DLGAP2: variants seen among roughly 807,000 people sequenced by gnomAD.
The protein encoded by DLGAP2 is disks large-associated protein 2.
DLGAP2 carries 26 observed loss-of-function variants against 100.3 expected under a neutral mutation model. The observed-to-expected ratio is 0.26, with a 90% CI of 0.19 to 0.36. The LOEUF (loss-of-function observed/expected upper bound fraction) is 0.36. Ranked by LOEUF, DLGAP2 falls within the 10% of genes least tolerant of loss-of-function variation. The pLI is 1.00. For synonymous variants in DLGAP2, 886 were observed against 630.1 expected, an observed-to-expected ratio of 1.41 and a Z score of -6.08; for missense variants, 1,858 against 1,453.2, an observed-to-expected ratio of 1.28 and a Z score of -4.53.
intron 2 of DLGAP2, among the ~76,000 whole-genome samples, chr8:1,034,074 C>A (rs56107639): frequency 1.4e-3 from 70 of 48,500 alleles, no homozygotes; most frequent in Non-Finnish European, 2.4e-3. Context: ...GGGTTCACAG[C>A]CTCATCCCGA....
chr8:1,285,595 T>G (rs561139606), intron 3 of DLGAP2, among the ~76,000 whole-genome samples: 28 of 152,312 alleles, frequency 1.8e-4, no homozygotes, highest in Admixed American at 5.9e-4. Flanking sequence ...ATTCTGCTGA[T>G]TCATACAATA....
At chr8:1,665,625 A>G (rs1452380318) in intron 8 of DLGAP2, among the ~76,000 whole-genome samples, 1 of 152,194 alleles carries the variant, frequency 6.6e-6, no homozygotes, top group Non-Finnish European at 1.5e-5. Flanking sequence ...CTGGGACTCA[A>G]AACTTCTTCG....
intron 3 of DLGAP2, among the ~76,000 whole-genome samples, chr8:1,361,662 C>G (rs538630635): frequency 1.3e-5 from 2 of 152,196 alleles, no homozygotes; most frequent in African/African-American, 4.8e-5. Flanking sequence ...TGACTATTAG[C>G]TTTCTCCATT....
At chr8:1,354,966 CGG>C in intron 3 of DLGAP2, among the ~76,000 whole-genome samples, 1 of 102,954 alleles carries the variant, frequency 9.7e-6, no homozygotes, top group African/African-American at 3.8e-5. Flanking sequence ...GATGATGCTG[CGG>C]ATGAGGGTGG....
In DLGAP2 at chr8:1,539,274, G is replaced by A. The variant is rs1280294884; in HGVS notation, c.173-9352G>A. Among the ~76,000 whole-genome samples, 6 of 152,186 alleles carry A rather than the reference G, an allele frequency of 3.9e-5. No individual in the cohort carries two copies. In the South Asian group the frequency reaches 6.2e-4, roughly 16 times the overall value. ...GAGCTCAGGCAGCACATATTCTCTG[G>A]GACTTAATCGCTGCTGTTGGCCGGA... On this transcript the variant is annotated intron_variant, in intron 4 of 14. Coordinates refer to ENST00000637795, the MANE Select transcript of DLGAP2 (RefSeq NM_001346810.2).
intron 2 of DLGAP2, among the ~76,000 whole-genome samples, chr8:1,008,529 C>T (rs1419122017): frequency 6.6e-6 from 1 of 152,192 alleles, no homozygotes; most frequent in Non-Finnish European, 1.5e-5. Context: ...TTATAATTTC[C>T]GATGGCTGTT....
Position 831,719 on chromosome 8 carries a change from G to C in DLGAP2, c.19-76193G>C, listed in dbSNP as rs192698242. Reference sequence around the variant, plus strand: ...ATAGTAGTATGATTTATAATCCTTTGGGTATATACCCAGTAATTAGATCAC... The same window carrying C: ...ATAGTAGTATGATTTATAATCCTTTCGGTATATACCCAGTAATTAGATCAC... On this transcript the variant is annotated intron_variant, in intron 1 of 14. Coordinates refer to ENST00000637795, the MANE Select transcript of DLGAP2 (RefSeq NM_001346810.2). Among the ~76,000 whole-genome samples the C allele has an allele frequency of 4.6e-5, 7 of 152,198 alleles. No homozygotes were observed. The East Asian group carries it at 1.4e-3, about 29-fold the overall frequency.
chr8:817,113 C>T (rs7462347), intron 1 of DLGAP2, among the ~76,000 whole-genome samples: 18,475 of 147,892 alleles, frequency 0.12, 1,293 homozygotes, highest in East Asian at 0.24. Flanking sequence ...TGCACTCCAG[C>T]CTGGGCGACA....
intron 6 of DLGAP2, among the ~76,000 whole-genome samples, chr8:1,578,412 G>A (rs992151381): frequency 1.3e-5 from 2 of 152,184 alleles, no homozygotes; most frequent in African/African-American, 4.8e-5. Flanking sequence ...GGGCACCTGC[G>A]TTGACTGTGC....
At chr8:1,490,689 C>T (rs534738850) in intron 3 of DLGAP2, among the ~76,000 whole-genome samples, 2 of 152,304 alleles carry the variant, frequency 1.3e-5, no homozygotes, top group African/African-American at 2.4e-5. Context: ...GATTGATTCA[C>T]CTGTGGCACT....
chr8:1,227,459 T>C (rs1481005112), intron 2 of DLGAP2, among the ~76,000 whole-genome samples: 1 of 151,612 alleles, frequency 6.6e-6, no homozygotes, highest in Non-Finnish European at 1.5e-5. Context: ...GAGATGAATC[T>C]CTTGCAGGCA....
chr8:1,290,764 A>G (rs555274034), intron 3 of DLGAP2, among the ~76,000 whole-genome samples: 1 of 152,372 alleles, frequency 6.6e-6, no homozygotes, highest in Admixed American at 6.5e-5. Context: ...TGCTGCGTGC[A>G]CAAAGCTTAT....
In DLGAP2 at chr8:1,199,611, C is replaced by G. The variant is rs147784205; in HGVS notation, c.74-59240C>G. Among the ~76,000 whole-genome samples, 436 of 152,256 alleles carry G rather than the reference C, an allele frequency of 2.9e-3. 1 individual carries two copies. Among genetic ancestry groups the G allele is most frequent in the African/African-American group, 9.5e-3 (393 of 41,546 alleles). On this transcript the variant is annotated intron_variant, in intron 2 of 14. Transcript: ENST00000637795. ...GGAAACACCATCTTCATGAGCCAAA[C>G]TCATGCCAGCCAGATGGGCGCTAGA...
At chr8:1,442,358 C>G (rs1797858999) in intron 3 of DLGAP2, among the ~76,000 whole-genome samples, 1 of 151,020 alleles carries the variant, frequency 6.6e-6, no homozygotes, top group Non-Finnish European at 1.5e-5. Flanking sequence ...CATAGACCCG[C>G]CAAGCTGCTG....
chr8:1,566,042 C>A, intron 6 of DLGAP2, 148 bp downstream of exon 6: 1 of 583,770 alleles, frequency 1.7e-6, no homozygotes. Context: ...TGTCAATTTT[C>A]AAGTATTTTT....
Position 1,214,526 on chromosome 8 carries a change from T to A in DLGAP2, c.74-44325T>A, listed in dbSNP as rs1340562251. ...GAGGGCAGTGGCCAAGGTAATACCC[T>A]AACCCGGAAGTCAGATCCCAGGAGT... On this transcript the variant is annotated intron_variant, in intron 2 of 14. Coordinates refer to ENST00000637795, the MANE Select transcript of DLGAP2 (RefSeq NM_001346810.2). Among the ~76,000 whole-genome samples the A allele has an allele frequency of 2.0e-5, 3 of 152,216 alleles. No homozygotes were observed. The East Asian group carries it at 5.8e-4, about 29-fold the overall frequency.
intron 3 of DLGAP2, among the ~76,000 whole-genome samples, chr8:1,325,709 T>A (rs1174500174): frequency 6.6e-6 from 1 of 152,194 alleles, no homozygotes; most frequent in Non-Finnish European, 1.5e-5. Flanking sequence ...CTAGAGAGTT[T>A]AAAGCAACTT....
intron 6 of DLGAP2, among the ~76,000 whole-genome samples, chr8:1,594,778 T>A (rs1584968659): frequency 6.6e-6 from 1 of 152,172 alleles, no homozygotes; most frequent in Admixed American, 6.5e-5. Flanking sequence ...GCCAAAAATA[T>A]AGTTTTTTTA....
intron 3 of DLGAP2, among the ~76,000 whole-genome samples, chr8:1,308,241 C>A (rs1184312592): frequency 6.6e-6 from 1 of 152,176 alleles, no homozygotes; most frequent in Non-Finnish European, 1.5e-5. Flanking sequence ...TAGCTCTTGG[C>A]ATTTAATGAG....
Sources: allele counts gnomAD v4.1 joint callset (sites outside exome capture counted in the v4.1 genomes callset), GRCh38; gene constraint gnomAD v4.1.1; transcripts MANE v1.5; gene names NCBI Gene and HGNC (gene_info 2026-07-23, HGNC 2026-07-21).